Variants in SEMA3A observed in about 807,000 individuals in gnomAD.
SEMA3A encodes the protein semaphorin 3A, also known as semaphorin-3A.
In SEMA3A, 29 loss-of-function variants were observed where a neutral mutation model predicts 97.9. The observed-to-expected ratio is 0.30, with a 90% confidence interval of 0.22 to 0.40. The LOEUF is 0.40. Ranked by LOEUF, SEMA3A falls within the 10% of genes least tolerant of loss-of-function variation. The probability of loss-of-function intolerance (pLI) is 1.00; values close to 1 mark genes in which losing one functional copy is unlikely to be tolerated. For missense variants in SEMA3A, 763 were observed against 951.3 expected (o/e 0.80, Z 2.60); for synonymous variants, 321 against 323.7 (o/e 0.99, Z 0.09).
intron 3 of SEMA3A, among the ~76,000 whole-genome samples, chr7:84,214,717 G>A (rs1313961209): frequency 1.9e-5 from 1 of 52,654 alleles, no homozygotes; most frequent in Admixed American, 2.1e-4. Context: ...TTTTTTTTTT[G>A]AGACAGAGTC....
chr7:84,344,020 A>T (rs1237891907), intron 2 of SEMA3A, among the ~76,000 whole-genome samples: 5 of 152,080 alleles, frequency 3.3e-5, no homozygotes, highest in Admixed American at 3.3e-4. Flanking sequence ...GGAAAAAAAA[A>T]AAAGAAAATT....
intron 1 of SEMA3A, among the ~76,000 whole-genome samples, chr7:84,420,337 T>G (rs1230930071): frequency 6.6e-6 from 1 of 151,602 alleles, no homozygotes; most frequent in Admixed American, 6.6e-5. Context: ...AAATGATGGA[T>G]GTACAAGTAG....
chr7:84,370,881 G>A (rs1433485003), intron 2 of SEMA3A, among the ~76,000 whole-genome samples: 2 of 150,954 alleles, frequency 1.3e-5, no homozygotes, highest in Non-Finnish European at 3.0e-5. Context: ...GTTTTTCCAT[G>A]CTAACAACAG....
At chr7:84,153,694 C>A (rs1796748722) in intron 1 of SEMA3A, among the ~76,000 whole-genome samples, 1 of 152,142 alleles carries the variant, frequency 6.6e-6, no homozygotes, top group East Asian at 1.9e-4. Context: ...AAAAATGTTA[C>A]TTTAATAAAA....
At chr7:84,483,643 A>G (rs1476066782) in intron 1 of SEMA3A, among the ~76,000 whole-genome samples, 1 of 152,158 alleles carries the variant, frequency 6.6e-6, no homozygotes, top group Non-Finnish European at 1.5e-5. Flanking sequence ...CTAGCTTCTG[A>G]GTAGGGTAGT....
intron 2 of SEMA3A, among the ~76,000 whole-genome samples, chr7:84,340,016 C>T (rs919554499): frequency 6.6e-6 from 1 of 151,956 alleles, no homozygotes; most frequent in African/African-American, 2.4e-5. Context: ...AAAAACATCA[C>T]TTTAGAAAGA....
chr7:84,008,156 A>G (rs1351888589), intron 9 of SEMA3A, among the ~76,000 whole-genome samples: 1 of 152,186 alleles, frequency 6.6e-6, no homozygotes, highest in East Asian at 1.9e-4. Context: ...CGCTAAACAA[A>G]AAATCAGATA....
chr7:83,958,439 T>C lies in SEMA3A; in HGVS notation c.*2932A>G, dbSNP rs1284863301. 2 of 152,490 alleles carry C rather than the reference T, an allele frequency of 1.3e-5. No individual in the cohort carries two copies. The highest frequency in any genetic ancestry group is 1.3e-4 in the Admixed American group (2 of 15,244). The allele number at this position is 152,490 out of a possible 1,614,324, so 9.4% of individuals were successfully genotyped here. ...ACATTTTTCTCTCCAGTTTTTCTAG[T>C]TCCCATCTGAAATGCAATGATAAGT... On this transcript the variant is annotated 3_prime_UTR_variant, in exon 17 of 17. Coordinates refer to ENST00000265362, the MANE Select transcript of SEMA3A (RefSeq NM_006080.3).
At chr7:84,067,227 A>T (rs920885241) in intron 4 of SEMA3A, among the ~76,000 whole-genome samples, 6 of 152,128 alleles carry the variant, frequency 3.9e-5, no homozygotes, top group Admixed American at 3.3e-4. Context: ...ATATGTAGAA[A>T]GCTGAAACTG....
chr7:83,973,621 A>T (rs185265518), intron 15 of SEMA3A, among the ~76,000 whole-genome samples: 90 of 152,302 alleles, frequency 5.9e-4, no homozygotes, highest in African/African-American at 2.1e-3. Flanking sequence ...AGTTCTACAG[A>T]TCATAAAGAT....
At chr7:84,433,235 C>T (rs956218539) in intron 1 of SEMA3A, among the ~76,000 whole-genome samples, 3 of 149,214 alleles carry the variant, frequency 2.0e-5, no homozygotes, top group Non-Finnish European at 3.0e-5. Context: ...TAGCCTCCCA[C>T]CCCCCGACAG....
At chr7:84,160,259 A>G (rs1796988484) in intron 1 of SEMA3A, among the ~76,000 whole-genome samples, 1 of 122,296 alleles carries the variant, frequency 8.2e-6, no homozygotes, top group African/African-American at 3.2e-5. Flanking sequence ...CTATCTATCT[A>G]TCTATCTATC....
At chr7:84,372,719 C>T (rs1477298516) in intron 1 of SEMA3A, among the ~76,000 whole-genome samples, 1 of 152,086 alleles carries the variant, frequency 6.6e-6, no homozygotes, top group East Asian at 1.9e-4. Context: ...CATAGTACCC[C>T]GTGACCAAAT....
intron 1 of SEMA3A, among the ~76,000 whole-genome samples, chr7:84,458,449 TA>T (rs35989680): frequency 0.17 from 26,484 of 151,990 alleles, 2,435 homozygotes; most frequent in Middle Eastern, 0.22. Context: ...ATTTAAATCA[TA>T]AAAAAATAAT....
intron 3 of SEMA3A, among the ~76,000 whole-genome samples, chr7:84,259,675 A>G (rs1278804516): frequency 6.6e-6 from 1 of 152,150 alleles, no homozygotes; most frequent in African/African-American, 2.4e-5. Flanking sequence ...TGCTAAGATT[A>G]AACGTTGCCC....
At chr7:84,434,178 G>C (rs1334373979) in intron 1 of SEMA3A, among the ~76,000 whole-genome samples, 1 of 151,800 alleles carries the variant, frequency 6.6e-6, no homozygotes, top group African/African-American at 2.4e-5. Context: ...TTAGTGATGT[G>C]GATCATTTTT....
chr7:84,184,365 CG>C, intron 1 of SEMA3A, among the ~76,000 whole-genome samples: 2 of 152,190 alleles, frequency 1.3e-5, no homozygotes, highest in Middle Eastern at 3.4e-3. Flanking sequence ...CTATTGAACA[CG>C]GGGATCATGT....
At chr7:84,174,702 A>G (rs1475295701) in intron 1 of SEMA3A, among the ~76,000 whole-genome samples, 1 of 152,330 alleles carries the variant, frequency 6.6e-6, no homozygotes, top group African/African-American at 2.4e-5. Context: ...CAAATCATGT[A>G]TTAAATAAAG....
In SEMA3A at chr7:84,070,151, G is replaced by C. The variant is rs146813811; in HGVS notation, c.454-9593C>G. Among the ~76,000 whole-genome samples the C allele has an allele frequency of 5.3e-4, 81 of 152,232 alleles. 1 individual carries two copies. Among genetic ancestry groups the C allele is most frequent in the Non-Finnish European group, 1.1e-3 (73 of 67,998 alleles). On this transcript the variant is annotated intron_variant, in intron 4 of 16. Coordinates refer to ENST00000265362, the MANE Select transcript of SEMA3A (RefSeq NM_006080.3). The stretch of plus-strand genomic sequence containing the variant: ...AAGAGTTTTCACTGTAGAAATACAT[G>C]AATAAAACTTTAGCTATACTGATTC...
Sources: allele counts gnomAD v4.1 joint callset (sites outside exome capture counted in the v4.1 genomes callset), GRCh38; gene constraint gnomAD v4.1.1; transcripts MANE v1.5; gene names NCBI Gene and HGNC (gene_info 2026-07-23, HGNC 2026-07-21).